The following PAN3 variants were observed in gnomAD, a reference collection of about 807,000 sequenced individuals.
PAN3 encodes the protein poly(A) specific ribonuclease subunit PAN3.
PAN3 carries 19 observed loss-of-function variants against 96.2 expected under a neutral mutation model. The ratio of observed to expected loss-of-function variants is 0.20; its 90% CI spans 0.14 to 0.29. The LOEUF is 0.29. PAN3 is among the 10% of genes least tolerant of loss of function. The probability of loss-of-function intolerance (pLI) is 1.00; values close to 1 mark genes in which losing one functional copy is unlikely to be tolerated. For missense variants in PAN3, 882 were observed against 1,108.1 expected, an observed-to-expected ratio of 0.80 and a Z score of 2.90; for synonymous variants, 433 against 406.6, an observed-to-expected ratio of 1.06 and a Z score of -0.78.
At chr13:28,252,168 G>T (rs1490796722) in intron 6 of PAN3, among the ~76,000 whole-genome samples, 1 of 147,532 alleles carries the variant, frequency 6.8e-6, no homozygotes, top group Non-Finnish European at 1.5e-5. Context: ...GATTATATGT[G>T]TGAGCCACTG....
At chr13:28,262,089 ATACTT>A (rs1194848965) in intron 9 of PAN3, among the ~76,000 whole-genome samples, 1 of 152,160 alleles carries the variant, frequency 6.6e-6, no homozygotes, top group African/African-American at 2.4e-5. Context: ...TACTAATTAA[ATACTT>A]TACATGTCTT....
intron 7 of PAN3, among the ~76,000 whole-genome samples, chr13:28,259,953 A>G (rs1390766158): frequency 1.3e-5 from 2 of 152,166 alleles, no homozygotes; most frequent in African/African-American, 4.8e-5. Flanking sequence ...ATTATTTTTA[A>G]TATGAATTCT....
intron 5 of PAN3, among the ~76,000 whole-genome samples, chr13:28,211,284 G>A (rs754464443): frequency 1.3e-5 from 2 of 151,904 alleles, no homozygotes; most frequent in Non-Finnish European, 2.9e-5. Context: ...CTCATTATTA[G>A]TACCCTCTCT....
At chr13:28,154,209 G>T (rs1397586984) in intron 1 of PAN3, among the ~76,000 whole-genome samples, 4 of 152,186 alleles carry the variant, frequency 2.6e-5, no homozygotes, top group Non-Finnish European at 5.9e-5. Flanking sequence ...GTTTTTACCA[G>T]AGTCTTACTG....
At chr13:28,225,706 C>G (rs1593511689) in intron 6 of PAN3, among the ~76,000 whole-genome samples, 1 of 152,188 alleles carries the variant, frequency 6.6e-6, no homozygotes, top group Admixed American at 6.5e-5. Flanking sequence ...AGTCTTGTCT[C>G]TCTTCCATCC....
At chr13:28,250,191 G>T (rs1593560988) in intron 6 of PAN3, among the ~76,000 whole-genome samples, 1 of 150,052 alleles carries the variant, frequency 6.7e-6, no homozygotes, top group Non-Finnish European at 1.5e-5. Context: ...GACTTATTTT[G>T]CTCAGAACTC....
chr13:28,190,085 A>G (rs1877043316), intron 4 of PAN3, among the ~76,000 whole-genome samples: 2 of 152,112 alleles, frequency 1.3e-5, no homozygotes. Context: ...CTGGGATTAT[A>G]GGCGCGTACC....
chr13:28,183,258 G>A (rs1305419290), intron 4 of PAN3, among the ~76,000 whole-genome samples: 1 of 152,090 alleles, frequency 6.6e-6, no homozygotes, highest in Non-Finnish European at 1.5e-5. Flanking sequence ...CTGTTTTTAG[G>A]TTCTTTATGT....
At chr13:28,155,987 A>T (rs959774188) in intron 1 of PAN3, among the ~76,000 whole-genome samples, 1 of 152,170 alleles carries the variant, frequency 6.6e-6, no homozygotes, top group Non-Finnish European at 1.5e-5. Context: ...CCCTTCTAGG[A>T]TATGCTAGTA....
At chr13:28,141,039 TGTC>T (rs1176652357) in intron 1 of PAN3, among the ~76,000 whole-genome samples, 2 of 142,108 alleles carry the variant, frequency 1.4e-5, no homozygotes, top group East Asian at 4.0e-4. Flanking sequence ...GAGGCTTGCT[TGTC>T]GTCCAGGCTG....
At chr13:28,166,297 A>G (rs998594577) in intron 1 of PAN3, among the ~76,000 whole-genome samples, 1 of 152,210 alleles carries the variant, frequency 6.6e-6, no homozygotes, top group Admixed American at 6.5e-5. Context: ...GAAAGAAGAA[A>G]GGGATAGCAG....
At chr13:28,240,999 C>A (rs554949602) in intron 6 of PAN3, among the ~76,000 whole-genome samples, 5 of 152,216 alleles carry the variant, frequency 3.3e-5, no homozygotes, top group Non-Finnish European at 7.3e-5. Context: ...GTGGCCCATG[C>A]CTGTTATCCC....
At chr13:28,290,464 C>G (rs1361025478) in intron 18 of PAN3, among the ~76,000 whole-genome samples, 2 of 152,260 alleles carry the variant, frequency 1.3e-5, no homozygotes, top group East Asian at 3.9e-4. Context: ...CACGGATCAC[C>G]TGAGGTCGGG....
At chr13:28,214,469 G>T (rs899356343) in intron 5 of PAN3, 6 of 224,860 alleles carry the variant, frequency 2.7e-5, no homozygotes, top group African/African-American at 9.5e-5. Flanking sequence ...TTTGCAACGA[G>T]TTTGCCACCA....
At chr13:28,152,539 G>A (rs1399943491) in intron 1 of PAN3, among the ~76,000 whole-genome samples, 2 of 151,858 alleles carry the variant, frequency 1.3e-5, no homozygotes, top group Non-Finnish European at 2.9e-5. Flanking sequence ...AGCCGAGATG[G>A]CGCTATTGCA....
intron 5 of PAN3, among the ~76,000 whole-genome samples, chr13:28,216,648 A>G (rs1479939110): frequency 6.6e-6 from 1 of 152,166 alleles, no homozygotes; most frequent in African/African-American, 2.4e-5. Context: ...TTACTATGTG[A>G]TTAAAATAAC....
intron 8 of PAN3, among the ~76,000 whole-genome samples, chr13:28,260,797 T>C (rs41307593): frequency 6.2e-4 from 94 of 152,346 alleles, no homozygotes; most frequent in Admixed American, 3.1e-3. Context: ...TGTTCTGTAC[T>C]TCATTTTATT....
intron 1 of PAN3, among the ~76,000 whole-genome samples, chr13:28,144,684 A>G (rs752592314): frequency 2.0e-5 from 3 of 150,872 alleles, no homozygotes; most frequent in African/African-American, 4.9e-5. Flanking sequence ...CTTTAAGAAG[A>G]TAAATGATTA....
At chr13:28,176,827 C>T (rs1377618697) in intron 3 of PAN3, among the ~76,000 whole-genome samples, 1 of 150,802 alleles carries the variant, frequency 6.6e-6, no homozygotes, top group African/African-American at 2.4e-5. Flanking sequence ...GGCAATATAA[C>T]AAGACCATGT....
Sources: gnomAD v4.1 joint callset for allele counts (sites outside exome capture counted in the v4.1 genomes callset) on GRCh38, gnomAD v4.1.1 for gene constraint, MANE v1.5 for transcripts, NCBI Gene and HGNC (gene_info 2026-07-23, HGNC 2026-07-21) for gene names.